GADL1: variants seen among roughly 807,000 people sequenced by gnomAD.
GADL1 encodes the protein GAD like acidic amino acid decarboxylase 1, also known as acidic amino acid decarboxylase GADL1.
Under a neutral mutation model 69.5 loss-of-function variants are expected in GADL1, and 71 were observed. The observed-to-expected ratio is 1.02, with a 90% CI of 0.84 to 1.25. GADL1 has a LOEUF of 1.25. Ranked by LOEUF, GADL1 falls within the 50% of genes most tolerant of loss-of-function variation. GADL1 has a pLI of 0.00. For missense variants in GADL1, 737 were observed against 631.8 expected (o/e 1.17, Z -1.79); for synonymous variants, 254 against 214.4 (o/e 1.18, Z -1.62).
chr3:30,743,157 A>G (rs941606136), intron 14 of GADL1, among the ~76,000 whole-genome samples: 2 of 152,108 alleles, frequency 1.3e-5, no homozygotes, highest in Non-Finnish European at 2.9e-5. Flanking sequence ...ACCCAGTTTG[A>G]GAGAGTATCT....
intron 1 of GADL1, among the ~76,000 whole-genome samples, chr3:30,884,818 T>A (rs1028231751): frequency 1.3e-5 from 2 of 152,030 alleles, no homozygotes; most frequent in Non-Finnish European, 2.9e-5. Context: ...GGGAGGAAGG[T>A]AGAAAATACT....
chr3:30,786,487 C>T (rs1377062799), intron 12 of GADL1, 81 bp from the exon 13 acceptor site: 13 of 764,710 alleles, frequency 1.7e-5, no homozygotes, highest in Middle Eastern at 2.3e-4. Flanking sequence ...AAAACTGATT[C>T]AGACAGGGCT....
chr3:30,760,762 T>C (rs1297998369), intron 14 of GADL1, among the ~76,000 whole-genome samples: 2 of 152,160 alleles, frequency 1.3e-5, no homozygotes, highest in Non-Finnish European at 2.9e-5. Flanking sequence ...TGGCCCTGAA[T>C]TGATTCTCTA....
intron 1 of GADL1, among the ~76,000 whole-genome samples, chr3:30,870,521 C>A (rs1356575628): frequency 6.6e-6 from 1 of 151,596 alleles, no homozygotes; most frequent in African/African-American, 2.4e-5. Context: ...CTAAAATCAA[C>A]AAGAAGCCAC....
intron 14 of GADL1, among the ~76,000 whole-genome samples, chr3:30,748,037 A>G (rs1695735088): frequency 6.6e-6 from 1 of 152,238 alleles, no homozygotes; most frequent in South Asian, 2.1e-4. Context: ...ATTCAACAGC[A>G]TGCAAACTTA....
chr3:30,828,379 T>C (rs1040099393), intron 11 of GADL1, among the ~76,000 whole-genome samples: 1 of 150,740 alleles, frequency 6.6e-6, no homozygotes, highest in African/African-American at 2.4e-5. Flanking sequence ...CCTTTTTTTT[T>C]CCTTTACGTT....
Position 30,752,168 on chromosome 3 carries a change from CT to C in GADL1, c.1393-23754del, listed in dbSNP as rs554980880. ...AGAAGCTTGAGCAGAAGATGCGGCTCTGATGTAGTGCTGTTAAGTTCTCTCA... is the reference window on the plus strand; with the variant it reads ...AGAAGCTTGAGCAGAAGATGCGGCTCGATGTAGTGCTGTTAAGTTCTCTCA... On this transcript the variant is annotated intron_variant, in intron 14 of 14. Coordinates refer to ENST00000282538, the MANE Select transcript of GADL1 (RefSeq NM_207359.3). 3.1e-4 allele frequency among the ~76,000 whole-genome samples: 46 copies of C among 146,990 alleles called. No individual in the cohort carries two copies. The East Asian group carries it at 9.7e-3, about 31-fold the overall frequency.
At chr3:30,883,812 C>A (rs751265902) in intron 1 of GADL1, among the ~76,000 whole-genome samples, 2 of 151,880 alleles carry the variant, frequency 1.3e-5, no homozygotes, top group Non-Finnish European at 2.9e-5. Context: ...TCTTTAATTT[C>A]TTTTAGCAAT....
rs557321800 is a variant in GADL1, at chr3:30,873,579, G to A, written c.38-11814C>T. 3.3e-5 allele frequency among the ~76,000 whole-genome samples: 5 copies of A among 152,040 alleles called. 1 individual carries two copies. The highest frequency in any genetic ancestry group is 3.4e-3 in the Middle Eastern group (1 of 294). On this transcript the variant is annotated intron_variant, in intron 1 of 14. Transcript: ENST00000282538. ...CATTTTTGTACTCCTAAAGCAATAA[G>A]CGATTATCTTAGAAGTATGTATTAA... is the stretch of plus-strand genomic sequence containing the variant.
At chr3:30,793,586 T>C (rs1168760484) in intron 12 of GADL1, among the ~76,000 whole-genome samples, 1 of 152,176 alleles carries the variant, frequency 6.6e-6, no homozygotes, top group Non-Finnish European at 1.5e-5. Flanking sequence ...TTTTCACCAA[T>C]CCTACTGTGG....
At chr3:30,768,123 T>C (rs898131319) in intron 14 of GADL1, among the ~76,000 whole-genome samples, 3 of 150,670 alleles carry the variant, frequency 2.0e-5, no homozygotes, top group Non-Finnish European at 4.4e-5. Flanking sequence ...TGCAAATGTA[T>C]ACAGACTTCT....
chr3:30,802,699 T>C (rs2125507949), intron 11 of GADL1, among the ~76,000 whole-genome samples: 1 of 152,302 alleles, frequency 6.6e-6, no homozygotes, highest in Non-Finnish European at 1.5e-5. Context: ...GATCTAAATA[T>C]ATTCTATTAC....
chr3:30,750,112 TA>T (rs1300737080), intron 14 of GADL1, among the ~76,000 whole-genome samples: 3 of 152,152 alleles, frequency 2.0e-5, no homozygotes, highest in Non-Finnish European at 4.4e-5. Flanking sequence ...TTCATCAAAG[TA>T]AATTAGAAAA....
intron 14 of GADL1, among the ~76,000 whole-genome samples, chr3:30,759,082 C>T (rs1330090093): frequency 6.6e-6 from 1 of 151,808 alleles, no homozygotes; most frequent in African/African-American, 2.4e-5. Context: ...GTTTTTTTTC[C>T]AGTGCAGATC....
At chr3:30,868,925 G>A (rs535713433) in intron 1 of GADL1, among the ~76,000 whole-genome samples, 1 of 151,822 alleles carries the variant, frequency 6.6e-6, no homozygotes, top group Non-Finnish European at 1.5e-5. Flanking sequence ...GTGCAAAGAC[G>A]CTGGGGACCA....
intron 12 of GADL1, among the ~76,000 whole-genome samples, chr3:30,795,402 G>A (rs374995866): frequency 3.9e-5 from 6 of 152,172 alleles, no homozygotes; most frequent in African/African-American, 1.4e-4. Flanking sequence ...TAGTGGTTGA[G>A]AGTCCACTGT....
At chr3:30,855,536 A>C (rs780466381) in intron 3 of GADL1, among the ~76,000 whole-genome samples, 1 of 152,062 alleles carries the variant, frequency 6.6e-6, no homozygotes, top group Non-Finnish European at 1.5e-5. Context: ...CGGCTTACAT[A>C]CACTTCTGAT....
intron 13 of GADL1, among the ~76,000 whole-genome samples, chr3:30,785,367 G>GAAAT (rs1696765674): frequency 6.9e-6 from 1 of 144,444 alleles, no homozygotes; most frequent in African/African-American, 2.8e-5. Context: ...TACCAAAAAA[G>GAAAT]CTAGATTTCT....
At chr3:30,794,236 A>G (rs1222773302) in intron 12 of GADL1, among the ~76,000 whole-genome samples, 1 of 152,108 alleles carries the variant, frequency 6.6e-6, no homozygotes, top group African/African-American at 2.4e-5. Flanking sequence ...TGTCAAGGGA[A>G]TAGATAGATA....
Sources: gnomAD v4.1 joint callset for allele counts (sites outside exome capture counted in the v4.1 genomes callset) on GRCh38, gnomAD v4.1.1 for gene constraint, MANE v1.5 for transcripts, NCBI Gene and HGNC (gene_info 2026-07-23, HGNC 2026-07-21) for gene names.